FGF13: variants seen among roughly 807,000 people sequenced by gnomAD.
The protein encoded by FGF13 is fibroblast growth factor homologous factor 2.
A neutral mutation model predicts 19.5 loss-of-function variants in FGF13; 2 were observed. The observed-to-expected ratio is 0.10, with a 90% CI of 0.04 to 0.32. The LOEUF is 0.32. Ranked by LOEUF, FGF13 falls within the 10% of genes least tolerant of loss-of-function variation. FGF13 has a pLI of 1.00. For missense variants in FGF13, 113 were observed against 192.7 expected, an observed-to-expected ratio of 0.59 and a Z score of 2.45; for synonymous variants, 72 against 76.9, an observed-to-expected ratio of 0.94 and a Z score of 0.33.
In FGF13 at chrX:138,625,254, ACAGTATG is replaced by A. The variant is rs1209224246; in HGVS notation, c.*7589_*7595del. 1 of 108,763 alleles carries A rather than the reference ACAGTATG, an allele frequency of 9.2e-6. No individual in the cohort carries two copies. The highest frequency in any genetic ancestry group is 1.0e-4 in the Admixed American group (1 of 9,943). The allele number at this position is 108,763 out of a possible 1,213,427, so 9.0% of individuals were successfully genotyped here. A position where few individuals can be genotyped will look rare whatever the true frequency, so the allele number is the denominator to read the frequency against. On this transcript the variant is annotated 3_prime_UTR_variant, in exon 5 of 5. Coordinates refer to ENST00000315930, the MANE Select transcript of FGF13 (RefSeq NM_004114.5). ...GTAAATTAGTAAGCCATTATGTAAA[ACAGTATG>A]GAGATCCTCATAAAAGTAAAAATAG...
chrX:138,913,253 G>A (rs1424739528), intron 1 of FGF13, among the ~76,000 whole-genome samples: 3 of 78,512 alleles, frequency 3.8e-5, no homozygotes, highest in African/African-American at 5.2e-5. Flanking sequence ...TGCAACCTCC[G>A]CCTCCCGAGT....
chrX:139,051,791 G>T (rs957827735), intron 1 of FGF13, among the ~76,000 whole-genome samples: 13 of 112,212 alleles, frequency 1.2e-4, no homozygotes, highest in African/African-American at 4.2e-4. Flanking sequence ...ATATGAATTA[G>T]CACTGATATC....
upstream of FGF13, chrX:139,204,190 G>A (rs2084444393): frequency 2.2e-6 from 2 of 929,730 alleles, no homozygotes; most frequent in Admixed American, 2.3e-5. Context: ...TGCTTAGGGC[G>A]GCAAGTCTCG....
At chrX:139,010,510 C>A (rs756741356) in intron 1 of FGF13, among the ~76,000 whole-genome samples, 1 of 111,824 alleles carries the variant, frequency 8.9e-6, no homozygotes, top group African/African-American at 3.2e-5. Context: ...ACCCTCAAAA[C>A]CATGCAAATA....
intron 3 of FGF13, among the ~76,000 whole-genome samples, chrX:138,812,930 T>G (rs564690947): frequency 2.9e-4 from 32 of 111,116 alleles, no homozygotes; most frequent in South Asian, 1.2e-3. Context: ...CTCCCACTTA[T>G]GAGTGAGAAC....
At chrX:138,921,521 C>T (rs1379892564) in intron 1 of FGF13, among the ~76,000 whole-genome samples, 1 of 111,687 alleles carries the variant, frequency 9.0e-6, no homozygotes, top group Non-Finnish European at 1.9e-5. Flanking sequence ...TAGTGTGAGT[C>T]CTACATGTAC....
intron 1 of FGF13, among the ~76,000 whole-genome samples, chrX:138,977,204 G>A (rs1327915448): frequency 8.9e-6 from 1 of 111,863 alleles, no homozygotes. Flanking sequence ...ACTTCATGTG[G>A]TCTGGCCGGT....
intron 1 of FGF13, among the ~76,000 whole-genome samples, chrX:139,064,862 T>A (rs765876672): frequency 9.0e-6 from 1 of 111,507 alleles, no homozygotes; most frequent in South Asian, 3.8e-4. Flanking sequence ...TGAGGCTTTG[T>A]TCGTTTCTTT....
At chrX:138,951,858 C>A (rs760958489) in intron 1 of FGF13, among the ~76,000 whole-genome samples, 1 of 111,452 alleles carries the variant, frequency 9.0e-6, no homozygotes, top group African/African-American at 3.3e-5. Context: ...TTTCCATTAT[C>A]ACCCAGGAAA....
Position 138,626,621 on chromosome X carries a change from C to T in FGF13, c.*6229G>A, listed in dbSNP as rs1250313819. 9.0e-6 allele frequency: 1 copy of T among 111,282 alleles called. No individual in the cohort carries two copies. The highest frequency in any genetic ancestry group is 1.9e-5 in the Non-Finnish European group (1 of 53,064). 9.2% of individuals were successfully genotyped at this position (111,282 alleles called of 1,213,427 possible). A position where few individuals can be genotyped will look rare whatever the true frequency, so the allele number is the denominator to read the frequency against. On this transcript the variant is annotated 3_prime_UTR_variant, in exon 5 of 5. Transcript: ENST00000315930. ...AAATTCCGCTTTTAGTACAGTTAGC[C>T]TTGCAGGTGACTCCAAGGAACTTTG...
At chrX:138,996,473 C>A (rs976505409) in intron 1 of FGF13, among the ~76,000 whole-genome samples, 8 of 112,971 alleles carry the variant, frequency 7.1e-5, no homozygotes, top group African/African-American at 2.6e-4. Context: ...AGTCTGAAAT[C>A]GACCTGGGGT....
At position 139,159,655 on chromosome X, in the gene FGF13, C is replaced by CAAAAAAAAA. The variant is rs550001786; in HGVS notation, c.-113+43752_-113+43760dup. Among the ~76,000 whole-genome samples the CAAAAAAAAA allele has an allele frequency of 2.8e-3, 143 of 51,619 alleles. 2 individuals are homozygous for CAAAAAAAAA. The highest frequency in any genetic ancestry group is 6.9e-3 in the African/African-American group (91 of 13,270). The allele number at this position is 51,619 out of a possible 115,157, so 44.8% of individuals were successfully genotyped here. On this transcript the variant is annotated intron_variant, in intron 1 of 2. Coordinates refer to the FGF13 transcript ENST00000421460. ...GAATATTTACCAAGCAAAGAGAAAGCAAAAAAAAAAAAAAAAACAGTGTGG... is the reference window on the plus strand; with the variant it reads ...GAATATTTACCAAGCAAAGAGAAAGCAAAAAAAAAAAAAAAAAAAAAAAAAACAGTGTGG...
chrX:138,818,057 A>C (rs963705714), intron 3 of FGF13, among the ~76,000 whole-genome samples: 2 of 111,687 alleles, frequency 1.8e-5, no homozygotes, highest in African/African-American at 6.5e-5. Context: ...CAATGTCCTA[A>C]GTCTTGACAT....
At chrX:139,099,142 A>G (rs1466836987) in intron 1 of FGF13, among the ~76,000 whole-genome samples, 3 of 111,040 alleles carry the variant, frequency 2.7e-5, no homozygotes, top group African/African-American at 6.6e-5. Flanking sequence ...GGACACACGC[A>G]TCTTAGCCAT....
chrX:138,667,316 T>G (rs200618228), intron 3 of FGF13, among the ~76,000 whole-genome samples: 4 of 108,269 alleles, frequency 3.7e-5, no homozygotes, highest in Middle Eastern at 4.8e-3. Context: ...GAGAGAGAGA[T>G]ATACACGAAT....
chrX:138,743,183 C>T (rs1031633287), upstream of FGF13, among the ~76,000 whole-genome samples: 2 of 111,612 alleles, frequency 1.8e-5, no homozygotes, highest in Non-Finnish European at 3.8e-5. Context: ...AACTGTGGTA[C>T]ATCGAGACAA....
intron 1 of FGF13, among the ~76,000 whole-genome samples, chrX:139,094,273 A>T (rs964202170): frequency 4.5e-5 from 5 of 112,161 alleles, no homozygotes; most frequent in Admixed American, 9.5e-5. Context: ...TGCATGAAGA[A>T]CTATCATGTA....
At chrX:138,972,055 A>AG (rs1569433163) in intron 1 of FGF13, among the ~76,000 whole-genome samples, 278 of 26,982 alleles carry the variant, frequency 0.01, 2 homozygotes, top group African/African-American at 0.023. Context: ...CTAGTATTCT[A>AG]TTGTGTGTGT....
chrX:139,065,286 T>C (rs2092351171), intron 1 of FGF13, among the ~76,000 whole-genome samples: 1 of 109,893 alleles, frequency 9.1e-6, no homozygotes, highest in Non-Finnish European at 1.9e-5. Context: ...AATGACAGGA[T>C]CAAATTCACA....
Sources: allele counts gnomAD v4.1 joint callset (sites outside exome capture counted in the v4.1 genomes callset), GRCh38; gene constraint gnomAD v4.1.1; transcripts MANE v1.5; gene names NCBI Gene and HGNC (gene_info 2026-07-23, HGNC 2026-07-21).